ATG7: variants seen among roughly 807,000 people sequenced by gnomAD.
ATG7 encodes autophagy related 7.
A neutral mutation model predicts 82.4 loss-of-function variants in ATG7; 70 were observed. That is an observed-to-expected ratio of 0.85 (90% CI 0.70 to 1.04). The LOEUF (loss-of-function observed/expected upper bound fraction) is 1.04, where lower values mean the gene tolerates loss of function less well. ATG7 is among the 50% of genes least tolerant of loss of function. The pLI, the probability that ATG7 is intolerant of heterozygous loss-of-function variation, is 0.00. For synonymous variants in ATG7, 287 were observed against 313.0 expected (o/e 0.92, Z 0.88); for missense variants, 792 against 864.3 (o/e 0.92, Z 1.05).
intron 20 of ATG7, among the ~76,000 whole-genome samples, chr3:11,503,378 A>G (rs1386679316): frequency 1.3e-5 from 2 of 152,246 alleles, no homozygotes; most frequent in Non-Finnish European, 1.5e-5. Flanking sequence ...TTATGTTCTC[A>G]GTAAGAACAT....
chr3:11,461,907 G>GA (rs922474401), intron 20 of ATG7, among the ~76,000 whole-genome samples: 10 of 151,970 alleles, frequency 6.6e-5, no homozygotes, highest in Non-Finnish European at 1.2e-4. Context: ...GCGGGCGCCT[G>GA]TAGTCCCAGC....
intron 20 of ATG7, among the ~76,000 whole-genome samples, chr3:11,491,342 T>G (rs2090334924): frequency 6.6e-6 from 1 of 152,224 alleles, no homozygotes; most frequent in Non-Finnish European, 1.5e-5. Flanking sequence ...TAAGCACTTC[T>G]CTGTATTGGT....
chr3:11,487,353 A>ACCTC, intron 20 of ATG7, among the ~76,000 whole-genome samples: 1 of 41,792 alleles, frequency 2.4e-5, no homozygotes, highest in Non-Finnish European at 6.6e-5. Flanking sequence ...TGTTGGGCAT[A>ACCTC]CCTCCCAGAC....
chr3:11,540,289 C>G (rs908689316), intron 20 of ATG7, among the ~76,000 whole-genome samples: 5 of 152,088 alleles, frequency 3.3e-5, no homozygotes, highest in African/African-American at 1.2e-4. Flanking sequence ...TTGTAGTTCT[C>G]TGATGACAAC....
chr3:11,539,542 G>A (rs1428561711), intron 20 of ATG7, among the ~76,000 whole-genome samples: 1 of 152,248 alleles, frequency 6.6e-6, no homozygotes, highest in Non-Finnish European at 1.5e-5. Context: ...GGGAGACTGC[G>A]TTGGTGCTTT....
At chr3:11,360,212 A>AT (rs2076201237) in intron 15 of ATG7, among the ~76,000 whole-genome samples, 1 of 152,082 alleles carries the variant, frequency 6.6e-6, no homozygotes, top group Non-Finnish European at 1.5e-5. Flanking sequence ...TGCTCGGCTA[A>AT]TTTTTTGTAT....
chr3:11,543,027 C>G (rs946964416), intron 20 of ATG7, among the ~76,000 whole-genome samples: 1 of 152,208 alleles, frequency 6.6e-6, no homozygotes, highest in Admixed American at 6.5e-5. Flanking sequence ...TCTGCTGCCC[C>G]CCTCCCTGGA....
rs145570694 is a variant in ATG7, at chr3:11,536,712, C to T, written c.2080-18099C>T. ...ACCTGCTGCCCCGACCCTGCGGCTCCGACCGGGGCCGAGCAGCGAAGGACC... is the reference window on the plus strand; with the variant it reads ...ACCTGCTGCCCCGACCCTGCGGCTCTGACCGGGGCCGAGCAGCGAAGGACC... On this transcript the variant is annotated intron_variant, in intron 20 of 20. Coordinates refer to ENST00000693202, the MANE Select transcript of ATG7 (RefSeq NM_001349232.2). Among the ~76,000 whole-genome samples, 1,169 of 152,242 alleles carry T rather than the reference C, an allele frequency of 7.7e-3. 10 individuals are homozygous for T. Among genetic ancestry groups the T allele is most frequent in the South Asian group, 0.017 (82 of 4,814 alleles).
intron 14 of ATG7, among the ~76,000 whole-genome samples, chr3:11,357,237 C>T (rs1335257645): frequency 6.6e-6 from 1 of 152,166 alleles, no homozygotes; most frequent in African/African-American, 2.4e-5. Flanking sequence ...TGTGGAAAGT[C>T]AGTGTCCCTG....
intron 9 of ATG7, among the ~76,000 whole-genome samples, chr3:11,326,585 A>C (rs1950915339): frequency 6.6e-6 from 1 of 152,236 alleles, no homozygotes; most frequent in Non-Finnish European, 1.5e-5. Flanking sequence ...GGCGTGAGCC[A>C]CTGCACCCGG....
chr3:11,539,574 G>A (rs570777066), intron 20 of ATG7, among the ~76,000 whole-genome samples: 7 of 152,238 alleles, frequency 4.6e-5, no homozygotes, highest in South Asian at 4.1e-4. Flanking sequence ...GCCTGCTGGC[G>A]GGGGGTCGCC....
intron 20 of ATG7, among the ~76,000 whole-genome samples, chr3:11,450,426 C>G (rs1267985291): frequency 1.3e-5 from 2 of 152,234 alleles, no homozygotes; most frequent in Admixed American, 1.3e-4. Context: ...TCATTTTCCA[C>G]AGATCCTACC....
intron 11 of ATG7, among the ~76,000 whole-genome samples, chr3:11,337,578 A>G (rs986382004): frequency 6.6e-6 from 1 of 151,998 alleles, no homozygotes; most frequent in Non-Finnish European, 1.5e-5. Flanking sequence ...CTATTGCCAT[A>G]TGTGTTATTT....
intron 18 of ATG7, among the ~76,000 whole-genome samples, chr3:11,373,711 A>G (rs1193339195): frequency 2.0e-5 from 3 of 152,172 alleles, no homozygotes; most frequent in Non-Finnish European, 4.4e-5. Flanking sequence ...CTCAATAGGT[A>G]TGTGTATATT....
At chr3:11,460,014 C>T (rs2086151512) in intron 20 of ATG7, among the ~76,000 whole-genome samples, 1 of 152,234 alleles carries the variant, frequency 6.6e-6, no homozygotes, top group African/African-American at 2.4e-5. Context: ...AGAGATTTAT[C>T]TTACTGCAGT....
chr3:11,573,288 AAAG>A, the ATG7 span, among the ~76,000 whole-genome samples: 1 of 11,688 alleles, frequency 8.6e-5, no homozygotes, highest in Non-Finnish European at 1.4e-4. Context: ...AGAAAGAAAG[AAAG>A]AAAGAAAGAA....
the ATG7 span, among the ~76,000 whole-genome samples, chr3:11,570,508 G>A: frequency 4.6e-5 from 7 of 152,148 alleles, no homozygotes; most frequent in South Asian, 2.1e-4. Context: ...CAGCCCCCAC[G>A]CCCTAATCTC....
intron 20 of ATG7, among the ~76,000 whole-genome samples, chr3:11,430,362 A>C (rs1161957793): frequency 6.6e-6 from 1 of 152,206 alleles, no homozygotes; most frequent in African/African-American, 2.4e-5. Context: ...TCTGTGTAAA[A>C]GTAGTGTTTT....
At chr3:11,311,385 C>A (rs1228886854) in intron 7 of ATG7, among the ~76,000 whole-genome samples, 6 of 151,866 alleles carry the variant, frequency 4.0e-5, no homozygotes, top group Non-Finnish European at 4.4e-5. Flanking sequence ...AGGCGGATTG[C>A]CTGAGCTCAG....
Sources: gnomAD v4.1 joint callset for allele counts (sites outside exome capture counted in the v4.1 genomes callset) on GRCh38, gnomAD v4.1.1 for gene constraint, MANE v1.5 for transcripts, NCBI Gene and HGNC (gene_info 2026-07-23, HGNC 2026-07-21) for gene names.